RBFOX3: variants seen among roughly 807,000 people sequenced by gnomAD.
RBFOX3 encodes RNA binding fox-1 homolog 3, also known as RNA binding protein fox-1 homolog 3.
A neutral mutation model predicts 48.7 loss-of-function variants in RBFOX3; 17 were observed. The ratio of observed to expected loss-of-function variants is 0.35; its 90% CI spans 0.24 to 0.52. The LOEUF is 0.52. Ranked by LOEUF, RBFOX3 falls within the 20% of genes least tolerant of loss-of-function variation. The pLI is 0.94. For missense variants in RBFOX3, 382 were observed against 497.5 expected, an observed-to-expected ratio of 0.77 and a Z score of 2.21; for synonymous variants, 212 against 209.5, an observed-to-expected ratio of 1.01 and a Z score of -0.10.
At chr17:79,576,628 TGGAGATGATGGAGGGGTG>T (rs1185295255) in intron 1 of RBFOX3, among the ~76,000 whole-genome samples, 16 of 150,660 alleles carry the variant, frequency 1.1e-4, no homozygotes, top group Non-Finnish European at 2.2e-4. Flanking sequence ...ATGAACATGA[TGGAGATGATGGAGGGGTG>T]GGAGATGATG....
At chr17:79,607,516 C>T (rs892854136) in intron 1 of RBFOX3, among the ~76,000 whole-genome samples, 3 of 152,164 alleles carry the variant, frequency 2.0e-5, no homozygotes, top group Admixed American at 6.5e-5. Context: ...TACTGCCCCC[C>T]ACCCCCTACC....
chr17:79,446,227 C>A (rs1359750050), intron 2 of RBFOX3, among the ~76,000 whole-genome samples: 1 of 152,180 alleles, frequency 6.6e-6, no homozygotes, highest in Non-Finnish European at 1.5e-5. Context: ...GGCGATGCTG[C>A]CTCCATCATT....
chr17:79,114,001 AC>A (rs1169144008), intron 5 of RBFOX3, among the ~76,000 whole-genome samples: 1 of 151,524 alleles, frequency 6.6e-6, no homozygotes, highest in Non-Finnish European at 1.5e-5. Context: ...TGTGTGTCTG[AC>A]CCTCCTGCTT....
chr17:79,110,870 G>A (rs1487434356), intron 5 of RBFOX3, among the ~76,000 whole-genome samples: 2 of 152,256 alleles, frequency 1.3e-5, no homozygotes, highest in Non-Finnish European at 1.5e-5. Context: ...CATCTCAGCT[G>A]AGCCTCACTG....
At chr17:79,209,084 G>T (rs1286673839) in intron 4 of RBFOX3, among the ~76,000 whole-genome samples, 1 of 152,150 alleles carries the variant, frequency 6.6e-6, no homozygotes, top group Non-Finnish European at 1.5e-5. Context: ...CTCCCAAAGT[G>T]CTGGGATTAC....
chr17:79,562,356 G>A (rs2092276011), intron 1 of RBFOX3, among the ~76,000 whole-genome samples: 1 of 152,138 alleles, frequency 6.6e-6, no homozygotes, highest in African/African-American at 2.4e-5. Context: ...TTGAGTACTT[G>A]AGCCTTGTCT....
At chr17:79,511,920 C>T (rs1043935145) in intron 1 of RBFOX3, among the ~76,000 whole-genome samples, 6 of 143,084 alleles carry the variant, frequency 4.2e-5, no homozygotes, top group Admixed American at 3.4e-4. Flanking sequence ...GGGACACCCA[C>T]CCGGATACGT....
At chr17:79,239,192 A>C (rs545773926) in intron 3 of RBFOX3, among the ~76,000 whole-genome samples, 1 of 151,894 alleles carries the variant, frequency 6.6e-6, no homozygotes, top group African/African-American at 2.4e-5. Context: ...AGCATTTTCT[A>C]TGTCTCTGGT....
chr17:79,571,702 G>T (rs1275402390), intron 1 of RBFOX3, among the ~76,000 whole-genome samples: 2 of 152,150 alleles, frequency 1.3e-5, no homozygotes, highest in African/African-American at 4.8e-5. Flanking sequence ...CCAAGCAAGG[G>T]TGGTGGGTCA....
chr17:79,314,577 T>C (rs1292925794), intron 2 of RBFOX3, among the ~76,000 whole-genome samples: 1 of 152,038 alleles, frequency 6.6e-6, no homozygotes. Flanking sequence ...GGGAGTTTCA[T>C]GAATGAAAGA....
rs547866664 is a variant in RBFOX3 at position 79,215,760 on chromosome 17, G to A, written c.-34+20006C>T. Among the ~76,000 whole-genome samples, 14 of 152,376 alleles carry A rather than the reference G, an allele frequency of 9.2e-5. 1 individual carries two copies. In the South Asian group the frequency reaches 1.9e-3, roughly 20 times the overall value. The stretch of plus-strand genomic sequence containing the variant: ...GCTCTGCTGTAGGCAGCCATGCCAC[G>A]CTGGGCACCGCCCTCTCTCAGCCTG... On this transcript the variant is annotated intron_variant, in intron 4 of 14. Coordinates refer to ENST00000693108, the MANE Select transcript of RBFOX3 (RefSeq NM_001350451.2).
intron 2 of RBFOX3, among the ~76,000 whole-genome samples, chr17:79,454,465 A>G (rs2074126849): frequency 6.6e-6 from 1 of 152,024 alleles, no homozygotes; most frequent in South Asian, 2.1e-4. Context: ...CCTGGGATCA[A>G]GAACACTGCC....
rs1316537177 is a variant in RBFOX3 at position 79,471,302 on chromosome 17, G to A, written c.-175+11152C>T. Among the ~76,000 whole-genome samples the A allele has an allele frequency of 1.3e-5, 2 of 152,190 alleles. No homozygotes were observed. The highest frequency in any genetic ancestry group is 1.9e-4 in the East Asian group (1 of 5,188). On this transcript the variant is annotated intron_variant, in intron 2 of 14. Coordinates refer to ENST00000693108, the MANE Select transcript of RBFOX3 (RefSeq NM_001350451.2). The surrounding 1 kb of genome is among the most constrained non-coding windows in gnomAD (Gnocchi z 4.0). ...CCAGGGTGCGACGCTTGGGGTATTC[G>A]CAGGGAAATGAGGGCAAAGCATTTT...
At chr17:79,251,574 G>T (rs558831924) in intron 3 of RBFOX3, among the ~76,000 whole-genome samples, 2 of 152,066 alleles carry the variant, frequency 1.3e-5, no homozygotes, top group Non-Finnish European at 2.9e-5. Context: ...TTCTGTACCT[G>T]TGTGACCTCC....
In RBFOX3 at chr17:79,214,911, T is replaced by G. The variant is rs75810795; in HGVS notation, c.-34+20855A>C. On this transcript the variant is annotated intron_variant, in intron 4 of 14. Transcript: ENST00000693108. This position sits in a 1 kb window ranked among gnomAD's most constrained non-coding sequence, Gnocchi z 4.7. Reference sequence around the variant, plus strand: ...GTTTGTTCTTTATTTCTCTGGCAATTACCGCTAATTTGGAGACGTTCTGCC... The same window carrying G: ...GTTTGTTCTTTATTTCTCTGGCAATGACCGCTAATTTGGAGACGTTCTGCC... 7.7e-4 allele frequency among the ~76,000 whole-genome samples: 117 copies of G among 152,128 alleles called. No homozygotes were observed. Among genetic ancestry groups the G allele is most frequent in the Non-Finnish European group, 1.1e-3 (77 of 68,012 alleles).
Position 79,097,347 on chromosome 17 carries a change from C to T in RBFOX3, c.700G>A (p.Val234Met), listed in dbSNP as rs921899416. The change falls in exon 11 of 15, where the codon GTG (valine) becomes ATG (methionine). Residue 234 changes from valine to methionine, a missense_variant. Val to Met is a conservative substitution (Grantham distance 21). Coordinates refer to ENST00000693108, the MANE Select transcript of RBFOX3 (RefSeq NM_001350451.2). Reference protein sequence around the residue: ...GAHLRGRGRAVYNTFRAAPPP... With the variant: ...GAHLRGRGRAMYNTFRAAPPP... ...GGCGCAGCCCGAAATGTATTATACA[C>T]GGCCCGGCCCCGGCCCCGAAGATGT... 68 of 1,548,730 alleles carry T rather than the reference C, an allele frequency of 4.4e-5. No homozygotes were observed. The Admixed American group carries it at 1.3e-3, about 30-fold the overall frequency.
intron 2 of RBFOX3, among the ~76,000 whole-genome samples, chr17:79,404,615 T>A (rs1003399316): frequency 6.6e-6 from 1 of 152,122 alleles, no homozygotes; most frequent in Non-Finnish European, 1.5e-5. Context: ...CGGACTCTCC[T>A]GTCCCTCCCC....
At chr17:79,444,250 G>A (rs1013555861) in intron 2 of RBFOX3, among the ~76,000 whole-genome samples, 5 of 152,166 alleles carry the variant, frequency 3.3e-5, no homozygotes, top group Admixed American at 1.3e-4. Flanking sequence ...CAACTTCTGT[G>A]ACCTCAGCTG....
chr17:79,306,325 C>T (rs984590320), intron 3 of RBFOX3, among the ~76,000 whole-genome samples: 2 of 152,262 alleles, frequency 1.3e-5, no homozygotes, highest in Admixed American at 6.5e-5. Context: ...GCTGACAACG[C>T]GCCAGGCCAG....
Sources: allele counts gnomAD v4.1 joint callset (sites outside exome capture counted in the v4.1 genomes callset), GRCh38; gene constraint gnomAD v4.1.1; non-coding constraint Gnocchi (gnomAD v3.1); transcripts MANE v1.5; gene names NCBI Gene and HGNC (gene_info 2026-07-23, HGNC 2026-07-21).